Variants in MBNL2 observed in about 807,000 individuals in gnomAD.
The protein encoded by MBNL2 is muscleblind like splicing regulator 2, also known as muscleblind-like protein 2.
Under a neutral mutation model 41.9 loss-of-function variants are expected in MBNL2, and 17 were observed. The ratio of observed to expected loss-of-function variants is 0.41; its 90% confidence interval spans 0.28 to 0.61. The LOEUF is 0.61. Ranked by LOEUF, MBNL2 falls within the 20% of genes least tolerant of loss-of-function variation. The probability of loss-of-function intolerance (pLI) is 0.35; values close to 1 mark genes in which losing one functional copy is unlikely to be tolerated. For missense variants in MBNL2, 336 were observed against 505.6 expected, an observed-to-expected ratio of 0.66 and a Z score of 3.22; for synonymous variants, 195 against 182.9, an observed-to-expected ratio of 1.07 and a Z score of -0.53.
At chr13:97,146,550 A>G in the MBNL2 span, among the ~76,000 whole-genome samples, 811 of 152,300 alleles carry the variant, frequency 5.3e-3, 7 homozygotes, top group African/African-American at 0.018. Context: ...CAAAAGACCT[A>G]TGGAGAGGAT....
intron 1 of MBNL2, among the ~76,000 whole-genome samples, chr13:97,233,230 T>C (rs1394771776): frequency 1.4e-5 from 2 of 141,690 alleles, no homozygotes; most frequent in Non-Finnish European, 1.5e-5. Context: ...GCAGGTTTGT[T>C]ACATATGTAT....
chr13:97,305,002 A>T (rs2153008093), intron 2 of MBNL2, among the ~76,000 whole-genome samples: 1 of 152,332 alleles, frequency 6.6e-6, no homozygotes, highest in South Asian at 2.1e-4. Flanking sequence ...GCTGCTTAAA[A>T]AAAATAAAGG....
the MBNL2 span, among the ~76,000 whole-genome samples, chr13:97,180,503 G>A: frequency 6.6e-6 from 1 of 152,040 alleles, no homozygotes; most frequent in African/African-American, 2.4e-5. Flanking sequence ...TTGGGAAGCT[G>A]AGGCAAGCAG....
the MBNL2 span, among the ~76,000 whole-genome samples, chr13:97,201,974 C>T: frequency 6.6e-6 from 1 of 152,142 alleles, no homozygotes; most frequent in African/African-American, 2.4e-5. Context: ...CATATTACAC[C>T]TAAAAGATTA....
the MBNL2 span, among the ~76,000 whole-genome samples, chr13:97,213,839 G>A: frequency 6.6e-6 from 1 of 152,200 alleles, no homozygotes; most frequent in Admixed American, 6.5e-5. Context: ...GTATATTGTA[G>A]TAAATCAAAA....
In MBNL2 at chr13:97,342,998, G is replaced by A; in HGVS notation, c.340-18G>A. Reference sequence around the variant, plus strand: ...TATTCTAAATAACTCTTTCTCCTGTGTTGTCTTCCTTTAACAGCCCACTTT... The same window carrying A: ...TATTCTAAATAACTCTTTCTCCTGTATTGTCTTCCTTTAACAGCCCACTTT... On this transcript the variant is annotated intron_variant, in intron 3 of 8. Transcript: ENST00000679496. The A allele has an allele frequency of 6.6e-7, 1 of 1,518,060 alleles. No homozygotes were observed. 94.0% of individuals were successfully genotyped at this position (1,518,060 alleles called of 1,614,324 possible). A position where few individuals can be genotyped will look rare whatever the true frequency, so the allele number is the denominator to read the frequency against.
chr13:97,222,479 C>T lies in MBNL2; in HGVS notation c.-657C>T, dbSNP rs1470577163. On this transcript the variant is annotated 5_prime_UTR_variant, in exon 1 of 9. Coordinates refer to ENST00000679496, the MANE Select transcript of MBNL2 (RefSeq NM_001382683.1). ...GAGAAGCCTCGGCCACTTGGTTCTG[C>T]CAGATGTTCCTGGGGTTACTGTAAA... The T allele has an allele frequency of 2.5e-6, 1 of 398,516 alleles. No homozygotes were observed. The highest frequency in any genetic ancestry group is 4.4e-6 in the Non-Finnish European group (1 of 226,088). The allele number at this position is 398,516 out of a possible 1,614,324, so 24.7% of individuals were successfully genotyped here. A position where few individuals can be genotyped will look rare whatever the true frequency, so the allele number is the denominator to read the frequency against.
At chr13:97,344,807 T>A (rs1239110338) in intron 4 of MBNL2, among the ~76,000 whole-genome samples, 1 of 152,206 alleles carries the variant, frequency 6.6e-6, no homozygotes, top group Non-Finnish European at 1.5e-5. Flanking sequence ...TGGGAACAAA[T>A]TGTCCTTCTC....
chr13:97,181,136 C>G, the MBNL2 span, among the ~76,000 whole-genome samples: 1 of 151,970 alleles, frequency 6.6e-6, no homozygotes. Context: ...TGTCACATCC[C>G]CTTCTGTGAC....
chr13:97,281,329 T>A (rs867214478), intron 2 of MBNL2, among the ~76,000 whole-genome samples: 1 of 152,300 alleles, frequency 6.6e-6, no homozygotes, highest in Admixed American at 6.5e-5. Flanking sequence ...GGTGTCAGTA[T>A]CTCAGTAGAT....
the MBNL2 span, among the ~76,000 whole-genome samples, chr13:97,185,441 A>G: frequency 6.6e-6 from 1 of 152,208 alleles, no homozygotes; most frequent in Non-Finnish European, 1.5e-5. Context: ...GTTACCTTAC[A>G]TGGAAAAAGG....
chr13:97,310,957 A>G (rs1162948537), intron 2 of MBNL2, among the ~76,000 whole-genome samples: 4 of 152,178 alleles, frequency 2.6e-5, no homozygotes, highest in Admixed American at 2.0e-4. Flanking sequence ...ATAAAAATCA[A>G]TGTAATATGA....
chr13:97,206,764 T>C, the MBNL2 span, among the ~76,000 whole-genome samples: 8 of 152,124 alleles, frequency 5.3e-5, no homozygotes, highest in East Asian at 1.9e-4. Context: ...GTAACAATGA[T>C]AACAGTGTAA....
At chr13:97,329,101 G>A (rs1168321245) in intron 2 of MBNL2, among the ~76,000 whole-genome samples, 1 of 152,028 alleles carries the variant, frequency 6.6e-6, no homozygotes, top group African/African-American at 2.4e-5. Context: ...TCCTCCTGTC[G>A]AGAATCAACA....
the MBNL2 span, among the ~76,000 whole-genome samples, chr13:97,207,374 G>C: frequency 6.6e-6 from 1 of 152,300 alleles, no homozygotes; most frequent in Non-Finnish European, 1.5e-5. Context: ...AAAGAAGCAA[G>C]TTTATTTGGA....
rs1178067921 is a variant in MBNL2, at chr13:97,292,163, T to TG, written c.174+15755dup. ...TTGAAGTGAGCCGAGATCGCGCCAC[T>TG]GCACTCCAGCCTGGGCAACAGAGCC... On this transcript the variant is annotated intron_variant, in intron 2 of 8. Coordinates refer to ENST00000679496, the MANE Select transcript of MBNL2 (RefSeq NM_001382683.1). 1.6e-4 allele frequency among the ~76,000 whole-genome samples: 22 copies of TG among 135,460 alleles called. No individual in the cohort carries two copies. In the Admixed American group the frequency reaches 1.8e-3, roughly 11 times the overall value. 88.9% of individuals were successfully genotyped at this position (135,460 alleles called of 152,430 possible).
the MBNL2 span, among the ~76,000 whole-genome samples, chr13:97,161,565 A>C: frequency 6.6e-6 from 1 of 152,216 alleles, no homozygotes; most frequent in Non-Finnish European, 1.5e-5. Flanking sequence ...AACAACTCTG[A>C]GTATTCATTA....
rs2061863876 is a variant in MBNL2, at chr13:97,346,339, T to C, written c.541-465T>C. Among the ~76,000 whole-genome samples, 1 of 151,884 alleles carries C rather than the reference T, an allele frequency of 6.6e-6. No homozygotes were observed. Among genetic ancestry groups the C allele is most frequent in the Non-Finnish European group, 1.5e-5 (1 of 67,972 alleles). On this transcript the variant is annotated intron_variant, in intron 4 of 8. Coordinates refer to ENST00000679496, the MANE Select transcript of MBNL2 (RefSeq NM_001382683.1). The surrounding 1 kb of genome is among the most constrained non-coding windows in gnomAD (Gnocchi z 4.2). ...AATAGAGGGATAGATTGATAGATGA[T>C]AGATAATAGATGATGGATGAATGAA... is the stretch of plus-strand genomic sequence containing the variant.
At chr13:97,263,863 C>T (rs1255662527) in intron 1 of MBNL2, among the ~76,000 whole-genome samples, 1 of 151,998 alleles carries the variant, frequency 6.6e-6, no homozygotes, top group East Asian at 1.9e-4. Flanking sequence ...GGTGATCTGC[C>T]CGCCTCGGCC....
Sources: gnomAD v4.1 joint callset for allele counts (sites outside exome capture counted in the v4.1 genomes callset) on GRCh38, gnomAD v4.1.1 for gene constraint, Gnocchi (gnomAD v3.1) non-coding constraint, MANE v1.5 for transcripts, NCBI Gene and HGNC (gene_info 2026-07-23, HGNC 2026-07-21) for gene names.